The following UTRN variants were observed in gnomAD, a reference collection of about 807,000 sequenced individuals.
The protein encoded by UTRN is dystrophin-related protein 1.
A neutral mutation model predicts 463.9 loss-of-function variants in UTRN; 283 were observed. The ratio of observed to expected loss-of-function variants is 0.61; its 90% CI spans 0.55 to 0.67. The LOEUF (loss-of-function observed/expected upper bound fraction) is 0.67, where lower values mean the gene tolerates loss of function less well. UTRN is among the 30% of genes least tolerant of loss of function. UTRN has a pLI of 0.00. For synonymous variants in UTRN, 1,442 were observed against 1,431.5 expected (o/e 1.01, Z -0.17); for missense variants, 3,922 against 4,084.3 (o/e 0.96, Z 1.08).
intron 2 of UTRN, chr6:144,398,115 T>A (rs1782614155): frequency 4.0e-6 from 1 of 248,064 alleles, no homozygotes; most frequent in African/African-American, 2.3e-5. Flanking sequence ...GGGAAGTAGA[T>A]GGTTTGCCTG....
intron 53 of UTRN, among the ~76,000 whole-genome samples, chr6:144,724,068 T>C (rs570884250): frequency 1.3e-5 from 2 of 151,336 alleles, no homozygotes; most frequent in South Asian, 4.2e-4. Context: ...GAGAATTGTT[T>C]TGTGTAAAAA....
chr6:144,699,919 A>G (rs1245275208), intron 52 of UTRN, among the ~76,000 whole-genome samples, 168 bp from the exon 53 acceptor site: 1 of 148,576 alleles, frequency 6.7e-6, no homozygotes, highest in East Asian at 1.9e-4. Context: ...TATATATAGT[A>G]TATTATAAAT....
intron 54 of UTRN, among the ~76,000 whole-genome samples, chr6:144,733,418 G>A (rs547496820): frequency 6.6e-6 from 1 of 151,732 alleles, no homozygotes; most frequent in Non-Finnish European, 1.5e-5. Flanking sequence ...TCAGGAGGCT[G>A]AGGCAGGGGA....
At chr6:144,455,661 A>AT (rs1788744018) in intron 19 of UTRN, among the ~76,000 whole-genome samples, 1 of 152,154 alleles carries the variant, frequency 6.6e-6, no homozygotes, top group African/African-American at 2.4e-5. Flanking sequence ...AATAACAGTG[A>AT]TTGGGGGAAT....
At chr6:144,315,614 C>A (rs1329097532) in intron 2 of UTRN, among the ~76,000 whole-genome samples, 1 of 152,230 alleles carries the variant, frequency 6.6e-6, no homozygotes, top group Admixed American at 6.5e-5. Flanking sequence ...GATAACGGCG[C>A]CCACTCTGGA....
intron 54 of UTRN, among the ~76,000 whole-genome samples, chr6:144,742,429 A>G (rs977074851): frequency 1.3e-5 from 2 of 152,192 alleles, no homozygotes; most frequent in African/African-American, 4.8e-5. Context: ...ATTAGGAAAT[A>G]ATGTATTTCC....
chr6:144,822,398 C>T (rs1022815632), intron 66 of UTRN, among the ~76,000 whole-genome samples: 2 of 151,978 alleles, frequency 1.3e-5, no homozygotes, highest in East Asian at 3.9e-4. Context: ...TTAGATAGGT[C>T]CATGTATAAC....
At chr6:144,798,439 C>T (rs1777422860) in intron 64 of UTRN, among the ~76,000 whole-genome samples, 1 of 152,128 alleles carries the variant, frequency 6.6e-6, no homozygotes, top group Admixed American at 6.5e-5. Flanking sequence ...ATGTGAAGTA[C>T]ATTAACCCGA....
intron 3 of UTRN, among the ~76,000 whole-genome samples, chr6:144,405,736 C>T (rs1166675315): frequency 6.6e-6 from 1 of 152,142 alleles, no homozygotes; most frequent in South Asian, 2.1e-4. Flanking sequence ...TCCTTTGTGG[C>T]CTCCTCCCCA....
chr6:144,807,688 A>G (rs539293064), intron 65 of UTRN, among the ~76,000 whole-genome samples: 1 of 152,200 alleles, frequency 6.6e-6, no homozygotes, highest in Admixed American at 6.6e-5. Context: ...ACCCTCATCA[A>G]AGCACTTAGT....
intron 39 of UTRN, among the ~76,000 whole-genome samples, chr6:144,520,773 A>G (rs1796014426): frequency 6.6e-6 from 1 of 152,194 alleles, no homozygotes; most frequent in Admixed American, 6.5e-5. Flanking sequence ...CGTTTTACCT[A>G]TCATCTTGAA....
In UTRN at chr6:144,480,298, AT is replaced by A. The variant is rs112233265; in HGVS notation, c.3507+325del. On this transcript the variant is annotated intron_variant, in intron 26 of 74. Transcript: ENST00000367545. Reference sequence around the variant, plus strand: ...GTAGTGGGCATGAGGAAGAATGATCATTTTTTTTTAATTGGGGTAAATACAT... The same window carrying A: ...GTAGTGGGCATGAGGAAGAATGATCATTTTTTTTAATTGGGGTAAATACAT... Among the ~76,000 whole-genome samples, 987 of 151,464 alleles carry A rather than the reference AT, an allele frequency of 6.5e-3. 3 individuals carry two copies. The highest frequency in any genetic ancestry group is 0.024 in the Middle Eastern group (7 of 294).
intron 66 of UTRN, among the ~76,000 whole-genome samples, chr6:144,824,779 G>T (rs938854412): frequency 6.8e-6 from 1 of 146,092 alleles, no homozygotes; most frequent in Non-Finnish European, 1.5e-5. Flanking sequence ...GTGGTGGGGG[G>T]GGGTGTCCCC....
intron 6 of UTRN, among the ~76,000 whole-genome samples, chr6:144,425,665 C>T (rs937581307): frequency 4.6e-5 from 7 of 152,018 alleles, no homozygotes; most frequent in African/African-American, 7.3e-5. Flanking sequence ...GATTCATGGA[C>T]ATTTGCATAG....
rs148303110 is a variant in UTRN at position 144,435,441 on chromosome 6, CT to C, written c.856-493del. Reference sequence around the variant, plus strand: ...AGCCTGTGTGGCTGTCTTTTAGTGTCTAAAATGCAATGCTAAAATGCAGTTC... The same window carrying C: ...AGCCTGTGTGGCTGTCTTTTAGTGTCAAAATGCAATGCTAAAATGCAGTTC... On this transcript the variant is annotated intron_variant, in intron 9 of 74. Transcript: ENST00000367545. Among the ~76,000 whole-genome samples, 936 of 152,322 alleles carry C rather than the reference CT, an allele frequency of 6.1e-3. 12 individuals are homozygous for C. Among genetic ancestry groups the C allele is most frequent in the African/African-American group, 0.02 (835 of 41,582 alleles).
At chr6:144,488,540 A>G (rs867372338) in intron 29 of UTRN, 133 bp from the exon 30 acceptor site, 10 of 752,080 alleles carry the variant, frequency 1.3e-5, no homozygotes, top group Middle Eastern at 4.0e-4. Flanking sequence ...ATTAGTAATT[A>G]TTATTTATTT....
intron 51 of UTRN, among the ~76,000 whole-genome samples, chr6:144,584,262 A>G (rs1011934484): frequency 6.6e-6 from 1 of 152,058 alleles, no homozygotes; most frequent in African/African-American, 2.4e-5. Context: ...CAGCTGCTGT[A>G]TTTTTTTAAG....
At chr6:144,343,029 A>C (rs1349139423) in intron 2 of UTRN, among the ~76,000 whole-genome samples, 1 of 152,122 alleles carries the variant, frequency 6.6e-6, no homozygotes, top group African/African-American at 2.4e-5. Flanking sequence ...AGTCTAAGGA[A>C]AATGCAGAGA....
chr6:144,388,417 A>G (rs1473228814), intron 2 of UTRN, among the ~76,000 whole-genome samples: 1 of 152,014 alleles, frequency 6.6e-6, no homozygotes, highest in Non-Finnish European at 1.5e-5. Context: ...GGTTCAAGCG[A>G]TTGTCCCACC....
Sources: gnomAD v4.1 joint callset for allele counts (sites outside exome capture counted in the v4.1 genomes callset) on GRCh38, gnomAD v4.1.1 for gene constraint, MANE v1.5 for transcripts, NCBI Gene and HGNC (gene_info 2026-07-23, HGNC 2026-07-21) for gene names.